Variants in GABRB3 observed in about 807,000 individuals in gnomAD.
The protein encoded by GABRB3 is gamma-aminobutyric acid type A receptor subunit beta3.
In GABRB3, 14 loss-of-function variants were observed where a neutral mutation model predicts 52.1. The ratio of observed to expected loss-of-function variants is 0.27; its 90% CI spans 0.18 to 0.42. The LOEUF is 0.42. GABRB3 is among the 10% of genes least tolerant of loss of function. The probability of loss-of-function intolerance (pLI) is 1.00; values close to 1 mark genes in which losing one functional copy is unlikely to be tolerated. For synonymous variants in GABRB3, 260 were observed against 232.3 expected (o/e 1.12, Z -1.08); for missense variants, 307 against 609.1 (o/e 0.50, Z 5.22).
chr15:26,561,223 G>T (rs931242916), intron 7 of GABRB3, 47 bp from the exon 8 acceptor site: 1 of 1,609,434 alleles, frequency 6.2e-7, no homozygotes, highest in Non-Finnish European at 8.5e-7. Context: ...TGCCACATTG[G>T]TCTTCACTTT....
intron 4 of GABRB3, among the ~76,000 whole-genome samples, chr15:26,593,461 A>G (rs1269039528): frequency 6.6e-6 from 1 of 152,160 alleles, no homozygotes; most frequent in Non-Finnish European, 1.5e-5. Flanking sequence ...TTTAAACAAT[A>G]ACATCGATTA....
intron 6 of GABRB3, among the ~76,000 whole-genome samples, chr15:26,573,240 T>C (rs1432333908): frequency 6.6e-6 from 1 of 152,228 alleles, no homozygotes; most frequent in Non-Finnish European, 1.5e-5. Flanking sequence ...TCATGCTATA[T>C]GATTCATTTA....
At chr15:26,587,828 T>C (rs965328141) in intron 4 of GABRB3, among the ~76,000 whole-genome samples, 2 of 152,180 alleles carry the variant, frequency 1.3e-5, no homozygotes, top group South Asian at 4.1e-4. Flanking sequence ...AATAAATATA[T>C]ATATTTTTCG....
intron 3 of GABRB3, among the ~76,000 whole-genome samples, chr15:26,708,610 A>C (rs1282723974): frequency 6.6e-6 from 1 of 152,232 alleles, no homozygotes; most frequent in East Asian, 1.9e-4. Context: ...AACTCCAAAA[A>C]GAGTAGGAGT....
intron 3 of GABRB3, among the ~76,000 whole-genome samples, chr15:26,725,347 C>A (rs538929511): frequency 1.6e-4 from 24 of 152,244 alleles, no homozygotes; most frequent in Admixed American, 1.0e-3. Context: ...CAGAAGCTGT[C>A]CCCTCCACCT....
intron 3 of GABRB3, among the ~76,000 whole-genome samples, chr15:26,730,361 T>C (rs894655898): frequency 2.8e-4 from 38 of 135,128 alleles, no homozygotes; most frequent in African/African-American, 1.1e-3. Flanking sequence ...GAGCTTGCAG[T>C]GAGCCGAGAT....
chr15:26,714,139 G>A (rs768155896), intron 3 of GABRB3, among the ~76,000 whole-genome samples: 3 of 152,208 alleles, frequency 2.0e-5, no homozygotes, highest in Non-Finnish European at 4.4e-5. Flanking sequence ...TCTGAGCTAC[G>A]ACAAATCACC....
rs1017516081 is a variant in GABRB3 at position 26,591,237 on chromosome 15, G to A, written c.462-7823C>T. On this transcript the variant is annotated intron_variant, in intron 4 of 8. Transcript: ENST00000311550. ...GCTGATTGTTACACAGCACTCTTGC[G>A]GCAATAGATAACCGATACGATAGTC... Among the ~76,000 whole-genome samples, 12 of 152,222 alleles carry A rather than the reference G, an allele frequency of 7.9e-5. No homozygotes were observed. The East Asian group carries it at 1.9e-3, about 25-fold the overall frequency.
rs543904090 is a variant in GABRB3, at chr15:26,653,053, C to T, written c.241-31519G>A. Among the ~76,000 whole-genome samples the T allele has an allele frequency of 4.5e-4, 69 of 152,314 alleles. No individual in the cohort carries two copies. The South Asian group carries it at 0.014, about 31-fold the overall frequency. ...GACCTCACCGACTCCATCTTGCTTC[C>T]AACCTCCAACCTGCCTTCTTCATTC... is the stretch of plus-strand genomic sequence containing the variant. On this transcript the variant is annotated intron_variant, in intron 3 of 8. Transcript: ENST00000311550.
intron 3 of GABRB3, among the ~76,000 whole-genome samples, chr15:26,709,260 T>C (rs1889206611): frequency 6.6e-6 from 1 of 152,182 alleles, no homozygotes; most frequent in African/African-American, 2.4e-5. Context: ...GGAGACCTCA[T>C]GAATGGCTTG....
At chr15:26,551,102 G>C (rs901621133) in intron 8 of GABRB3, among the ~76,000 whole-genome samples, 1 of 152,150 alleles carries the variant, frequency 6.6e-6, no homozygotes, top group East Asian at 1.9e-4. Context: ...TATCACTTTC[G>C]TATCCTCTTA....
At chr15:26,768,266 G>A (rs577617707) in intron 3 of GABRB3, among the ~76,000 whole-genome samples, 2 of 152,228 alleles carry the variant, frequency 1.3e-5, no homozygotes, top group South Asian at 4.1e-4. Context: ...TAAGTATGAA[G>A]TAATAGCGAA....
At chr15:26,730,727 C>T (rs1020747685) in intron 3 of GABRB3, among the ~76,000 whole-genome samples, 5 of 152,140 alleles carry the variant, frequency 3.3e-5, no homozygotes, top group Admixed American at 6.5e-5. Flanking sequence ...AAGATAGGAA[C>T]GAAAGTCAGT....
rs185835907 is a variant in GABRB3 at position 26,736,475 on chromosome 15, G to T, written c.240+35927C>A. Among the ~76,000 whole-genome samples the T allele has an allele frequency of 1.9e-4, 29 of 152,368 alleles. No individual in the cohort carries two copies. In the East Asian group the frequency reaches 4.2e-3, roughly 22 times the overall value. On this transcript the variant is annotated intron_variant, in intron 3 of 8. Coordinates refer to ENST00000311550, the MANE Select transcript of GABRB3 (RefSeq NM_000814.6). The stretch of plus-strand genomic sequence containing the variant: ...AAAACATGACAGAAATTGCTGTCTT[G>T]AGAAGTACTCCTTCTGAAATTGTTT...
rs138859007 is a variant in GABRB3, at chr15:26,590,727, T to C, written c.462-7313A>G. Among the ~76,000 whole-genome samples the C allele has an allele frequency of 9.2e-3, 1,403 of 152,306 alleles. 14 individuals carry two copies. Among genetic ancestry groups the C allele is most frequent in the Middle Eastern group, 0.02 (6 of 294 alleles). On this transcript the variant is annotated intron_variant, in intron 4 of 8. Coordinates refer to ENST00000311550, the MANE Select transcript of GABRB3 (RefSeq NM_000814.6). The stretch of plus-strand genomic sequence containing the variant: ...TTTTGCTATGGGAACTCCTTGAAGA[T>C]GTTGCTGGGAAAATGATTGTGGTAA...
intron 3 of GABRB3, among the ~76,000 whole-genome samples, chr15:26,642,949 C>G (rs769287616): frequency 6.6e-6 from 1 of 152,076 alleles, no homozygotes; most frequent in Admixed American, 6.5e-5. Context: ...CTCAGTCCCT[C>G]GGGGCTTCCC....
At chr15:26,745,123 A>AACTC (rs538743499) in intron 3 of GABRB3, among the ~76,000 whole-genome samples, 1 of 152,066 alleles carries the variant, frequency 6.6e-6, no homozygotes, top group Non-Finnish European at 1.5e-5. Flanking sequence ...ATCTCGTGAG[A>AACTC]ACTCACTCAC....
chr15:26,616,620 G>C (rs1892267884), intron 4 of GABRB3, among the ~76,000 whole-genome samples: 1 of 149,380 alleles, frequency 6.7e-6, no homozygotes, highest in South Asian at 2.1e-4. Flanking sequence ...AAAAAAACCA[G>C]CTACTTACTT....
chr15:26,601,206 C>T (rs1442345425), intron 4 of GABRB3, among the ~76,000 whole-genome samples: 3 of 152,054 alleles, frequency 2.0e-5, no homozygotes, highest in Non-Finnish European at 4.4e-5. Flanking sequence ...GGCAGATCAC[C>T]TGAGGTCGAG....
Sources: allele counts gnomAD v4.1 joint callset (sites outside exome capture counted in the v4.1 genomes callset), GRCh38; gene constraint gnomAD v4.1.1; transcripts MANE v1.5; gene names NCBI Gene and HGNC (gene_info 2026-07-23, HGNC 2026-07-21).